ZNF680: variants seen among roughly 807,000 people sequenced by gnomAD.
ZNF680 encodes the protein zinc finger protein 680, also known as hypothetical protein FLJ90430.
ZNF680 carries 6 observed loss-of-function variants against 12.1 expected under a neutral mutation model. The observed-to-expected ratio is 0.49, with a 90% CI of 0.27 to 0.98. ZNF680 has a LOEUF of 0.98. Ranked by LOEUF, ZNF680 falls within the 50% of genes least tolerant of loss-of-function variation. The probability of loss-of-function intolerance (pLI) is 0.12; values close to 1 mark genes in which losing one functional copy is unlikely to be tolerated. For missense variants in ZNF680, 561 were observed against 616.3 expected, an observed-to-expected ratio of 0.91 and a Z score of 0.95; for synonymous variants, 170 against 199.3, an observed-to-expected ratio of 0.85 and a Z score of 1.24.
At chr7:64,555,411 T>C (rs550295535) in intron 1 of ZNF680, among the ~76,000 whole-genome samples, 2 of 150,718 alleles carry the variant, frequency 1.3e-5, no homozygotes, top group African/African-American at 4.9e-5. Flanking sequence ...TAAATGACTT[T>C]TGAGTAAATA....
At chr7:64,523,120 C>T (rs935706263) in intron 3 of ZNF680, among the ~76,000 whole-genome samples, 2 of 151,932 alleles carry the variant, frequency 1.3e-5, no homozygotes, top group Admixed American at 1.3e-4. Context: ...AATAGAATTC[C>T]TTAACATTAT....
chr7:64,546,606 G>A (rs755125317), intron 1 of ZNF680, among the ~76,000 whole-genome samples: 2 of 152,114 alleles, frequency 1.3e-5, no homozygotes, highest in African/African-American at 2.4e-5. Context: ...AGCCAGGCAT[G>A]GCAGCATGAG....
chr7:64,514,423 A>G, the ZNF680 span, among the ~76,000 whole-genome samples: 23 of 152,208 alleles, frequency 1.5e-4, no homozygotes, highest in Non-Finnish European at 3.2e-4. Flanking sequence ...CACCCTAAAC[A>G]TTTTGTCATT....
At chr7:64,509,176 T>C in the ZNF680 span, among the ~76,000 whole-genome samples, 4 of 152,196 alleles carry the variant, frequency 2.6e-5, no homozygotes, top group Admixed American at 6.5e-5. Context: ...TAAAAAGAAT[T>C]TGGAGTCAGA....
At chr7:64,504,297 C>T in the ZNF680 span, among the ~76,000 whole-genome samples, 2 of 152,202 alleles carry the variant, frequency 1.3e-5, no homozygotes, top group Non-Finnish European at 1.5e-5. Context: ...GTGCTGCTAT[C>T]GCTGTTTAAC....
intron 3 of ZNF680, among the ~76,000 whole-genome samples, chr7:64,534,739 T>C (rs1010086609): frequency 6.6e-6 from 1 of 152,132 alleles, no homozygotes; most frequent in Non-Finnish European, 1.5e-5. Flanking sequence ...CAATTTGCAA[T>C]TGCAAAATCA....
the ZNF680 span, among the ~76,000 whole-genome samples, chr7:64,514,621 C>T: frequency 1.3e-5 from 2 of 151,988 alleles, no homozygotes; most frequent in Non-Finnish European, 2.9e-5. Context: ...ATAAAATAAA[C>T]TCACCACTCA....
At chr7:64,541,405 C>T (rs1786491552) in intron 3 of ZNF680, among the ~76,000 whole-genome samples, 1 of 152,086 alleles carries the variant, frequency 6.6e-6, no homozygotes, top group South Asian at 2.1e-4. Flanking sequence ...TATCAGCCAT[C>T]CCTGTCAAAA....
intron 1 of ZNF680, among the ~76,000 whole-genome samples, chr7:64,559,188 A>G (rs1039535052): frequency 6.6e-6 from 1 of 152,232 alleles, no homozygotes; most frequent in Non-Finnish European, 1.5e-5. Context: ...CAATCTTTGC[A>G]TGACCCAGTT....
chr7:64,540,885 T>C (rs1170781901), intron 3 of ZNF680, among the ~76,000 whole-genome samples: 2 of 152,168 alleles, frequency 1.3e-5, no homozygotes, highest in Non-Finnish European at 2.9e-5. Context: ...GCATGCGCTG[T>C]GTTGCAATAA....
In ZNF680 at chr7:64,551,096, C is replaced by T. The variant is rs545477787; in HGVS notation, c.31-6664G>A. On this transcript the variant is annotated intron_variant, in intron 1 of 3. Coordinates refer to ENST00000309683, the MANE Select transcript of ZNF680 (RefSeq NM_178558.5). Reference sequence around the variant, plus strand: ...CCATGAGTAGAAAAACTTACAGCACCATGTCATGCATAGTTCACTCTAAAT... The same window carrying T: ...CCATGAGTAGAAAAACTTACAGCACTATGTCATGCATAGTTCACTCTAAAT... Among the ~76,000 whole-genome samples, 132 of 152,230 alleles carry T rather than the reference C, an allele frequency of 8.7e-4. 1 individual carries two copies. Among genetic ancestry groups the T allele is most frequent in the Non-Finnish European group, 1.3e-3 (91 of 68,010 alleles).
At chr7:64,538,024 T>C (rs1431281463) in intron 3 of ZNF680, among the ~76,000 whole-genome samples, 1 of 152,058 alleles carries the variant, frequency 6.6e-6, no homozygotes, top group Non-Finnish European at 1.5e-5. Context: ...AAGTCACCAT[T>C]AACACATGAT....
At chr7:64,524,302 C>G (rs1296458687) in intron 3 of ZNF680, among the ~76,000 whole-genome samples, 1 of 151,976 alleles carries the variant, frequency 6.6e-6, no homozygotes, top group Non-Finnish European at 1.5e-5. Context: ...CACCCACCAC[C>G]ATACCCAGCT....
chr7:64,508,776 T>A, the ZNF680 span, among the ~76,000 whole-genome samples: 1 of 152,202 alleles, frequency 6.6e-6, no homozygotes, highest in African/African-American at 2.4e-5. Context: ...ATTTTCCTTT[T>A]CTATGGTGGC....
In ZNF680 at chr7:64,527,830, C is replaced by T. The variant is rs371219579; in HGVS notation, c.254-5330G>A. ...GACTAGACTGCAGCTCCAACTCAGGCGAACAAAGCAGTGTGTGAAGGCTTG... is the reference window on the plus strand; with the variant it reads ...GACTAGACTGCAGCTCCAACTCAGGTGAACAAAGCAGTGTGTGAAGGCTTG... On this transcript the variant is annotated intron_variant, in intron 3 of 3. Transcript: ENST00000309683. 8.3e-4 allele frequency among the ~76,000 whole-genome samples: 126 copies of T among 152,254 alleles called. 1 individual carries two copies. The highest frequency in any genetic ancestry group is 2.9e-3 in the African/African-American group (119 of 41,558).
intron 1 of ZNF680, among the ~76,000 whole-genome samples, chr7:64,546,111 A>T (rs972281620): frequency 1.3e-5 from 2 of 152,182 alleles, no homozygotes; most frequent in Admixed American, 1.3e-4. Flanking sequence ...AGGGAGGAAA[A>T]GATTGAGTAG....
intron 1 of ZNF680, among the ~76,000 whole-genome samples, 193 bp downstream of exon 1, chr7:64,562,732 C>G (rs1264221763): frequency 1.3e-5 from 2 of 152,218 alleles, no homozygotes; most frequent in Admixed American, 6.5e-5. Context: ...GGAGACATGA[C>G]GCCCGGGGTC....
chr7:64,517,918 T>A (rs974973206), downstream of ZNF680, among the ~76,000 whole-genome samples: 5 of 152,188 alleles, frequency 3.3e-5, no homozygotes, highest in African/African-American at 1.2e-4. Context: ...AAAATCTGCA[T>A]ACAAAGGACA....
chr7:64,517,942 T>C (rs373655390), downstream of ZNF680, among the ~76,000 whole-genome samples: 5 of 152,024 alleles, frequency 3.3e-5, no homozygotes, highest in African/African-American at 1.2e-4. Context: ...CTCAATGTAA[T>C]AAAAGCCATC....
Sources: gnomAD v4.1 joint callset for allele counts (sites outside exome capture counted in the v4.1 genomes callset) on GRCh38, gnomAD v4.1.1 for gene constraint, MANE v1.5 for transcripts, NCBI Gene and HGNC (gene_info 2026-07-23, HGNC 2026-07-21) for gene names.